Variants in DENND5A observed in about 807,000 individuals in gnomAD.
The protein encoded by DENND5A is DENN domain-containing protein 5A.
A neutral mutation model predicts 140.3 loss-of-function variants in DENND5A; 64 were observed. The ratio of observed to expected loss-of-function variants is 0.46; its 90% CI spans 0.37 to 0.56. The LOEUF (loss-of-function observed/expected upper bound fraction) is 0.56. Among genes scored for constraint, DENND5A ranks in the 20% least tolerant of loss-of-function variants. DENND5A has a pLI of 0.00. For synonymous variants in DENND5A, 605 were observed against 607.7 expected (o/e 1.00, Z 0.07); for missense variants, 1,292 against 1,593.8 (o/e 0.81, Z 3.22).
At chr11:9,145,282 T>C (rs887081290) in intron 17 of DENND5A, 169 bp from the exon 18 acceptor site, 6 of 614,778 alleles carry the variant, frequency 9.8e-6, no homozygotes, top group South Asian at 5.9e-5. Flanking sequence ...CACTATCTCA[T>C]GGGGGTGCCC....
chr11:9,255,708 T>C (rs1250684736), intron 1 of DENND5A, among the ~76,000 whole-genome samples: 1 of 151,840 alleles, frequency 6.6e-6, no homozygotes, highest in Non-Finnish European at 1.5e-5. Context: ...TAGTACAAAA[T>C]ACAAAAATTA....
At chr11:9,215,663 TCAG>T (rs1408056778) in intron 1 of DENND5A, among the ~76,000 whole-genome samples, 1 of 151,858 alleles carries the variant, frequency 6.6e-6, no homozygotes, top group Non-Finnish European at 1.5e-5. Flanking sequence ...TTCTCCTGTC[TCAG>T]CCTCCCTAGT....
rs1590313072 is a variant in DENND5A at position 9,233,120 on chromosome 11, G to A, written c.110-25488C>T. Among the ~76,000 whole-genome samples the A allele has an allele frequency of 3.3e-5, 5 of 152,318 alleles. No homozygotes were observed. In the South Asian group the frequency reaches 1.0e-3, roughly 32 times the overall value. ...CTCACATCCTAAGAAATTCAAGACAGCCAGTCGCAGGGGCTCACGCCTATA... is the reference window on the plus strand; with the variant it reads ...CTCACATCCTAAGAAATTCAAGACAACCAGTCGCAGGGGCTCACGCCTATA... On this transcript the variant is annotated intron_variant, in intron 1 of 22. Transcript: ENST00000328194.
At chr11:9,195,120 T>C (rs1185753908) in intron 4 of DENND5A, among the ~76,000 whole-genome samples, 5 of 150,868 alleles carry the variant, frequency 3.3e-5, no homozygotes, top group Non-Finnish European at 5.9e-5. Flanking sequence ...TTTGCTGTTA[T>C]TGCCCAGGCT....
chr11:9,218,986 A>G (rs1850206911), intron 1 of DENND5A, among the ~76,000 whole-genome samples: 1 of 152,206 alleles, frequency 6.6e-6, no homozygotes. Context: ...AGCCTGGGCA[A>G]CAAGAATGAA....
At chr11:9,146,730 A>C (rs1409946203) in intron 16 of DENND5A, 1 of 243,832 alleles carries the variant, frequency 4.1e-6, no homozygotes, top group African/African-American at 2.2e-5. Context: ...AAACTGCATC[A>C]GCTCAACTGA....
intron 11 of DENND5A, among the ~76,000 whole-genome samples, chr11:9,164,074 T>TTTG (rs1848094671): frequency 2.2e-5 from 3 of 138,096 alleles, no homozygotes; most frequent in South Asian, 2.4e-4. Context: ...TTTTTTTTTT[T>TTTG]TTTTTTTTTT....
chr11:9,189,229 A>G (rs1047271736), intron 5 of DENND5A, among the ~76,000 whole-genome samples: 9 of 152,234 alleles, frequency 5.9e-5, no homozygotes, highest in African/African-American at 2.2e-4. Flanking sequence ...AGTACATGGA[A>G]GTCAAGAATT....
chr11:9,214,775 G>A (rs1165294566), intron 1 of DENND5A, among the ~76,000 whole-genome samples: 1 of 152,204 alleles, frequency 6.6e-6, no homozygotes, highest in Non-Finnish European at 1.5e-5. Flanking sequence ...CCAGGCTGGA[G>A]TGCAGTGGCA....
chr11:9,162,922 C>T (rs1008184618), intron 11 of DENND5A, among the ~76,000 whole-genome samples: 1 of 150,104 alleles, frequency 6.7e-6, no homozygotes, highest in African/African-American at 2.5e-5. Flanking sequence ...CTGGCTGGAA[C>T]CGAACTCCCA....
chr11:9,226,101 T>TATCATCATCATC (rs553150461), intron 1 of DENND5A, among the ~76,000 whole-genome samples: 1 of 152,120 alleles, frequency 6.6e-6, no homozygotes, highest in Non-Finnish European at 1.5e-5. Context: ...TCATCATCAT[T>TATCATCATCATC]ATCATCATCA....
intron 4 of DENND5A, among the ~76,000 whole-genome samples, chr11:9,197,898 C>T (rs1028458624): frequency 6.6e-6 from 1 of 152,154 alleles, no homozygotes; most frequent in African/African-American, 2.4e-5. Flanking sequence ...ATTATTTTTA[C>T]AGTAAAAGAC....
intron 22 of DENND5A, among the ~76,000 whole-genome samples, chr11:9,141,157 G>T (rs951365880): frequency 6.7e-6 from 1 of 150,176 alleles, no homozygotes; most frequent in Non-Finnish European, 1.5e-5. Flanking sequence ...TAAATAAATG[G>T]TAAGGGGCCA....
chr11:9,145,141 G>A, intron 17 of DENND5A, 28 bp from the exon 18 acceptor site: 2 of 1,522,512 alleles, frequency 1.3e-6, no homozygotes, highest in Non-Finnish European at 1.8e-6. Context: ...AGATGAGGTA[G>A]GTCAGGAAAA....
intron 5 of DENND5A, among the ~76,000 whole-genome samples, chr11:9,190,759 G>T (rs1849094921): frequency 6.6e-6 from 1 of 151,908 alleles, no homozygotes. Flanking sequence ...GTTATCTCTG[G>T]GTGGTAAAAT....
At chr11:9,164,170 T>C (rs1234090919) in intron 11 of DENND5A, among the ~76,000 whole-genome samples, 2 of 125,526 alleles carry the variant, frequency 1.6e-5, no homozygotes, top group Non-Finnish European at 3.2e-5. Context: ...TAGCTGGGAC[T>C]AAAGGTGTGC....
chr11:9,139,378 G>A lies in DENND5A; in HGVS notation c.*293C>T. 1 of 399,646 alleles carries A rather than the reference G, an allele frequency of 2.5e-6. No homozygotes were observed. The highest frequency in any genetic ancestry group is 3.8e-5 in the Admixed American group (1 of 26,576). The allele number at this position is 399,646 out of a possible 1,614,324, so 24.8% of individuals were successfully genotyped here. On this transcript the variant is annotated 3_prime_UTR_variant, in exon 23 of 23. Transcript: ENST00000328194. ...AGTGCCACAGGCTCAGTCCAGGGAGGCCTCAGGCTTCCAGCATGTGGCCAC... is the reference window on the plus strand; with the variant it reads ...AGTGCCACAGGCTCAGTCCAGGGAGACCTCAGGCTTCCAGCATGTGGCCAC...
chr11:9,168,201 C>T (rs776129918), intron 10 of DENND5A, among the ~76,000 whole-genome samples: 42 of 151,470 alleles, frequency 2.8e-4, no homozygotes, highest in Non-Finnish European at 5.9e-4. Context: ...ACAATTCCCA[C>T]ATGTTGTGGG....
At chr11:9,183,474 T>C (rs1011965556) in intron 5 of DENND5A, among the ~76,000 whole-genome samples, 5 of 152,036 alleles carry the variant, frequency 3.3e-5, no homozygotes, top group African/African-American at 9.7e-5. Context: ...TTTTGCTCTA[T>C]TGCCCAGTCT....
Sources: allele counts gnomAD v4.1 joint callset (sites outside exome capture counted in the v4.1 genomes callset), GRCh38; gene constraint gnomAD v4.1.1; transcripts MANE v1.5; gene names NCBI Gene and HGNC (gene_info 2026-07-23, HGNC 2026-07-21).